The following MACROD2 variants were observed in gnomAD, a reference collection of about 807,000 sequenced individuals.
The protein encoded by MACROD2 is ADP-ribose glycohydrolase MACROD2.
MACROD2 carries 36 observed loss-of-function variants against 70.4 expected under a neutral mutation model. That is an observed-to-expected ratio of 0.51 (90% CI 0.39 to 0.68). The LOEUF (loss-of-function observed/expected upper bound fraction) is 0.68. Among genes scored for constraint, MACROD2 ranks in the 30% least tolerant of loss-of-function variants. The pLI is 0.00. For missense variants in MACROD2, 496 were observed against 538.4 expected, an observed-to-expected ratio of 0.92 and a Z score of 0.78; for synonymous variants, 172 against 178.8, an observed-to-expected ratio of 0.96 and a Z score of 0.30.
intron 5 of MACROD2, among the ~76,000 whole-genome samples, chr20:15,084,939 AG>A (rs771889772): frequency 1.3e-5 from 2 of 152,200 alleles, no homozygotes; most frequent in Non-Finnish European, 2.9e-5. Flanking sequence ...ATGGAAACTC[AG>A]GGGACCTAGA....
rs193045187 is a variant in MACROD2, at chr20:15,097,968, T to C, written c.419-131972T>C. Among the ~76,000 whole-genome samples, 267 of 152,308 alleles carry C rather than the reference T, an allele frequency of 1.8e-3. 2 individuals are homozygous for C. The highest frequency in any genetic ancestry group is 5.9e-3 in the African/African-American group (245 of 41,580). On this transcript the variant is annotated intron_variant, in intron 5 of 17. Coordinates refer to ENST00000684519, the MANE Select transcript of MACROD2 (RefSeq NM_001351661.2). ...TTTGGCAAGTTCATAACAATCTTTA[T>C]GTTACTTATCACAAATGTTATTTGT...
chr20:14,528,258 C>T (rs1338377228), intron 4 of MACROD2, among the ~76,000 whole-genome samples: 15 of 150,824 alleles, frequency 9.9e-5, no homozygotes, highest in Non-Finnish European at 1.8e-4. Context: ...TACAGGCATG[C>T]GCCACCACAC....
intron 3 of MACROD2, among the ~76,000 whole-genome samples, chr20:14,382,093 G>A (rs1332394159): frequency 8.9e-5 from 12 of 134,550 alleles, no homozygotes; most frequent in Admixed American, 8.4e-5. Flanking sequence ...ATGGAGTCTC[G>A]CTCTGTCGCC....
At chr20:14,421,797 CAATTT>C (rs901281604) in intron 3 of MACROD2, among the ~76,000 whole-genome samples, 1 of 151,860 alleles carries the variant, frequency 6.6e-6, no homozygotes, top group African/African-American at 2.4e-5. Flanking sequence ...AAATTTATTG[CAATTT>C]GTTTTGTGGC....
At chr20:15,794,446 A>T (rs992539741) in intron 8 of MACROD2, among the ~76,000 whole-genome samples, 1 of 152,222 alleles carries the variant, frequency 6.6e-6, no homozygotes, top group African/African-American at 2.4e-5. Flanking sequence ...AAACCTGAGC[A>T]AACAGGCATT....
intron 6 of MACROD2, among the ~76,000 whole-genome samples, chr20:15,357,937 G>A (rs1458775876): frequency 1.3e-5 from 2 of 151,674 alleles, no homozygotes; most frequent in African/African-American, 2.4e-5. Context: ...CTCCCGATTA[G>A]CTGGGACTAC....
intron 5 of MACROD2, among the ~76,000 whole-genome samples, chr20:15,172,134 A>G (rs2145889510): frequency 6.6e-6 from 1 of 152,322 alleles, no homozygotes; most frequent in East Asian, 1.9e-4. Flanking sequence ...AGAAGCATTC[A>G]TAAGACAGTG....
chr20:15,711,727 C>G (rs1196239864), intron 8 of MACROD2, among the ~76,000 whole-genome samples: 2 of 152,236 alleles, frequency 1.3e-5, no homozygotes, highest in East Asian at 3.8e-4. Flanking sequence ...TTTCAATCCA[C>G]TTTCTGACAA....
intron 4 of MACROD2, among the ~76,000 whole-genome samples, chr20:14,529,909 C>A (rs1443399367): frequency 6.6e-6 from 1 of 152,128 alleles, no homozygotes; most frequent in Non-Finnish European, 1.5e-5. Context: ...TTTTCTTTCC[C>A]ATGTTTTAGG....
intron 5 of MACROD2, among the ~76,000 whole-genome samples, chr20:14,872,112 T>A (rs1359244051): frequency 6.6e-6 from 1 of 152,044 alleles, no homozygotes; most frequent in Non-Finnish European, 1.5e-5. Flanking sequence ...GACAGATCAC[T>A]GAGACAAAAT....
intron 5 of MACROD2, among the ~76,000 whole-genome samples, chr20:14,908,912 A>G (rs541473896): frequency 1.3e-5 from 2 of 152,330 alleles, no homozygotes; most frequent in South Asian, 4.1e-4. Flanking sequence ...TTACTGAAGT[A>G]GTGATTTCAG....
intron 8 of MACROD2, among the ~76,000 whole-genome samples, chr20:15,625,273 G>A (rs1008355914): frequency 4.6e-5 from 7 of 152,198 alleles, no homozygotes; most frequent in South Asian, 2.1e-4. Flanking sequence ...AGGAAGCCCC[G>A]TAGCTAAGGG....
At chr20:15,533,373 A>G (rs972682787) in intron 8 of MACROD2, among the ~76,000 whole-genome samples, 3 of 152,242 alleles carry the variant, frequency 2.0e-5, no homozygotes, top group Non-Finnish European at 4.4e-5. Flanking sequence ...ACAGTGCTAC[A>G]TAAGACAGAT....
chr20:15,095,455 A>G (rs2075823776), intron 5 of MACROD2, among the ~76,000 whole-genome samples: 1 of 152,046 alleles, frequency 6.6e-6, no homozygotes, highest in Admixed American at 6.6e-5. Flanking sequence ...TGTTTTTAAC[A>G]GGGATTTCTG....
At position 15,523,678 on chromosome 20, in the gene MACROD2, C is replaced by T. The variant is rs79386362; in HGVS notation, c.645+23831C>T. On this transcript the variant is annotated intron_variant, in intron 8 of 17. Coordinates refer to ENST00000684519, the MANE Select transcript of MACROD2 (RefSeq NM_001351661.2). Reference sequence around the variant, plus strand: ...GGACTGATCATTTAACATATACAAGCGCACTCAGATTTCTGCTGTGGTTTA... The same window carrying T: ...GGACTGATCATTTAACATATACAAGTGCACTCAGATTTCTGCTGTGGTTTA... Among the ~76,000 whole-genome samples, 423 of 152,230 alleles carry T rather than the reference C, an allele frequency of 2.8e-3. 2 individuals carry two copies. Among genetic ancestry groups the T allele is most frequent in the African/African-American group, 9.8e-3 (406 of 41,554 alleles).
chr20:15,194,736 C>A (rs1017170683), intron 5 of MACROD2, among the ~76,000 whole-genome samples: 2 of 151,992 alleles, frequency 1.3e-5, no homozygotes, highest in Non-Finnish European at 2.9e-5. Flanking sequence ...ACCTTTAGAT[C>A]TTAGTATTCC....
chr20:15,140,327 CA>C (rs1386276719), intron 5 of MACROD2, among the ~76,000 whole-genome samples: 2 of 110,370 alleles, frequency 1.8e-5, no homozygotes, highest in Non-Finnish European at 4.0e-5. Flanking sequence ...ATTTAAAATA[CA>C]CAGAGAAAGG....
rs1312524669 is a variant in MACROD2 at position 15,431,443 on chromosome 20, A to G, written c.571+8A>G. ...TCTCAACAGGCATTTATGGTAAGTG[A>G]TACAGCTTTTGATGATGTTTGTATT... On this transcript the variant is annotated splice_region_variant and intron_variant, in intron 7 of 17. Transcript: ENST00000684519. The G allele has an allele frequency of 1.2e-6, 2 of 1,609,972 alleles. No homozygotes were observed. The highest frequency in any genetic ancestry group is 2.2e-5 in the East Asian group (1 of 44,770).
chr20:14,048,153 A>G (rs2053505759), intron 2 of MACROD2, among the ~76,000 whole-genome samples: 1 of 152,174 alleles, frequency 6.6e-6, no homozygotes, highest in South Asian at 2.1e-4. Flanking sequence ...AGAGATAATG[A>G]TTATTGCCAA....
Sources: allele counts gnomAD v4.1 joint callset (sites outside exome capture counted in the v4.1 genomes callset), GRCh38; gene constraint gnomAD v4.1.1; transcripts MANE v1.5; gene names NCBI Gene and HGNC (gene_info 2026-07-23, HGNC 2026-07-21).